The following CSMD1 variants were observed in gnomAD, a reference collection of about 807,000 sequenced individuals.
The protein encoded by CSMD1 is CUB and Sushi multiple domains 1, also known as CUB and sushi domain-containing protein 1.
In CSMD1, 213 loss-of-function variants were observed where a neutral mutation model predicts 417.5. The ratio of observed to expected loss-of-function variants is 0.51; its 90% CI spans 0.46 to 0.57. CSMD1 has a LOEUF of 0.57. Ranked by LOEUF, CSMD1 falls within the 20% of genes least tolerant of loss-of-function variation. The pLI, the probability that CSMD1 is intolerant of heterozygous loss-of-function variation, is 0.00. For synonymous variants in CSMD1, 2,862 were observed against 1,736.8 expected, an observed-to-expected ratio of 1.65 and a Z score of -16.11; for missense variants, 6,923 against 4,529.7, an observed-to-expected ratio of 1.53 and a Z score of -15.17.
At chr8:3,196,912 A>C (rs887974628) in intron 33 of CSMD1, among the ~76,000 whole-genome samples, 4 of 152,112 alleles carry the variant, frequency 2.6e-5, no homozygotes, top group African/African-American at 9.7e-5. Context: ...CCATGGATAC[A>C]TCCATGCTGA....
At chr8:4,292,581 A>G (rs369331826) in intron 3 of CSMD1, among the ~76,000 whole-genome samples, 45 of 152,316 alleles carry the variant, frequency 3.0e-4, no homozygotes, top group Non-Finnish European at 4.9e-4. Context: ...AATGGAATTT[A>G]TAACAACCCA....
At chr8:3,906,244 G>T (rs1221252258) in intron 5 of CSMD1, among the ~76,000 whole-genome samples, 1 of 151,942 alleles carries the variant, frequency 6.6e-6, no homozygotes, top group African/African-American at 2.4e-5. Flanking sequence ...CCATAGCATT[G>T]CATTAAGTTA....
intron 5 of CSMD1, among the ~76,000 whole-genome samples, chr8:3,918,686 C>A (rs1364352036): frequency 6.6e-6 from 1 of 152,094 alleles, no homozygotes; most frequent in Non-Finnish European, 1.5e-5. Flanking sequence ...TGATGGAATA[C>A]TACTGAGCCA....
intron 7 of CSMD1, among the ~76,000 whole-genome samples, chr8:3,696,038 C>T (rs568489897): frequency 2.0e-5 from 3 of 152,044 alleles, no homozygotes; most frequent in East Asian, 1.9e-4. Context: ...TATTTGCACA[C>T]GTGCAAAAAA....
intron 23 of CSMD1, among the ~76,000 whole-genome samples, chr8:3,327,523 CA>C (rs1806612829): frequency 6.6e-6 from 1 of 152,116 alleles, no homozygotes; most frequent in Admixed American, 6.5e-5. Context: ...AACATAATAT[CA>C]GTTTAATGTC....
intron 1 of CSMD1, among the ~76,000 whole-genome samples, chr8:4,988,313 T>G (rs901913100): frequency 2.0e-5 from 3 of 152,230 alleles, no homozygotes; most frequent in Admixed American, 6.5e-5. Context: ...CCAAGGATAT[T>G]TGGGTGGAAT....
At chr8:4,329,849 TAC>T (rs3067537) in intron 3 of CSMD1, among the ~76,000 whole-genome samples, 53,277 of 150,118 alleles carry the variant, frequency 0.35, 11,136 homozygotes, top group East Asian at 0.69. Context: ...CCACCCTGCT[TAC>T]ACACACACAC....
At chr8:3,419,187 A>G (rs1479590179) in intron 12 of CSMD1, among the ~76,000 whole-genome samples, 1 of 152,200 alleles carries the variant, frequency 6.6e-6, no homozygotes, top group African/African-American at 2.4e-5. Flanking sequence ...TGCCTTATCA[A>G]GTAACACATT....
intron 49 of CSMD1, among the ~76,000 whole-genome samples, chr8:3,069,520 C>T (rs550443137): frequency 6.6e-6 from 1 of 152,202 alleles, no homozygotes; most frequent in Non-Finnish European, 1.5e-5. Context: ...AAATCTTAAA[C>T]CTCCCAAATA....
At chr8:4,958,239 T>C (rs1173511688) in intron 1 of CSMD1, among the ~76,000 whole-genome samples, 2 of 152,218 alleles carry the variant, frequency 1.3e-5, no homozygotes, top group African/African-American at 4.8e-5. Flanking sequence ...GTCAATATAT[T>C]CAATATGAGA....
intron 3 of CSMD1, among the ~76,000 whole-genome samples, chr8:4,337,992 A>T (rs1486178158): frequency 6.6e-5 from 10 of 152,126 alleles, no homozygotes; most frequent in Admixed American, 6.6e-4. Context: ...AAATGTCTGT[A>T]TTCCCAAATA....
intron 41 of CSMD1, among the ~76,000 whole-genome samples, chr8:3,137,342 G>C (rs907706388): frequency 6.6e-6 from 1 of 152,342 alleles, no homozygotes; most frequent in African/African-American, 2.4e-5. Context: ...CTGCACAGGT[G>C]CTTCCGAAAA....
At chr8:4,082,458 C>T (rs1245849167) in intron 3 of CSMD1, among the ~76,000 whole-genome samples, 1 of 151,938 alleles carries the variant, frequency 6.6e-6, no homozygotes, top group Non-Finnish European at 1.5e-5. Flanking sequence ...CAAAGATTGC[C>T]TAAGTAGTTC....
At chr8:4,498,827 G>A (rs1033741221) in intron 2 of CSMD1, among the ~76,000 whole-genome samples, 10 of 152,098 alleles carry the variant, frequency 6.6e-5, no homozygotes, top group South Asian at 2.1e-4. Context: ...AGACTTGGCA[G>A]CTAAGGGTAA....
chr8:3,750,966 C>T (rs1407644081), intron 6 of CSMD1, among the ~76,000 whole-genome samples: 1 of 152,134 alleles, frequency 6.6e-6, no homozygotes, highest in Non-Finnish European at 1.5e-5. Context: ...TCACATCCTC[C>T]TTCTGATGGG....
At chr8:3,463,911 G>A (rs1359627344) in intron 12 of CSMD1, among the ~76,000 whole-genome samples, 1 of 152,050 alleles carries the variant, frequency 6.6e-6, no homozygotes, top group Non-Finnish European at 1.5e-5. Flanking sequence ...ACAGACCCTT[G>A]GCCACAGACT....
intron 8 of CSMD1, among the ~76,000 whole-genome samples, chr8:3,611,965 T>C (rs139568570): frequency 1.9e-3 from 286 of 152,266 alleles, no homozygotes; most frequent in South Asian, 4.3e-3. Context: ...ATTTTTGTTA[T>C]AGTATCAAAT....
intron 6 of CSMD1, among the ~76,000 whole-genome samples, chr8:3,752,268 C>T (rs553657412): frequency 2.0e-5 from 3 of 152,282 alleles, no homozygotes; most frequent in Non-Finnish European, 4.4e-5. Context: ...AATTTCAGGG[C>T]AGCTTCTTTG....
chr8:3,093,490 A>C (rs1176517017), intron 47 of CSMD1, among the ~76,000 whole-genome samples: 1 of 152,062 alleles, frequency 6.6e-6, no homozygotes, highest in Non-Finnish European at 1.5e-5. Flanking sequence ...AATATGGTAA[A>C]ACCCCATCAT....
Sources: allele counts gnomAD v4.1 joint callset (sites outside exome capture counted in the v4.1 genomes callset), GRCh38; gene constraint gnomAD v4.1.1; transcripts MANE v1.5; gene names NCBI Gene and HGNC (gene_info 2026-07-23, HGNC 2026-07-21).